Variants in UNC79 observed in about 807,000 individuals in gnomAD.
UNC79 encodes the protein unc-79 subunit of NALCN channel complex, also known as protein unc-79 homolog.
UNC79 carries 37 observed loss-of-function variants against 283.1 expected under a neutral mutation model. The observed-to-expected ratio is 0.13, with a 90% CI of 0.10 to 0.17. UNC79 has a LOEUF of 0.17. UNC79 is among the 10% of genes least tolerant of loss of function. UNC79 has a pLI of 1.00. For missense variants in UNC79, 2,272 were observed against 3,211.1 expected (o/e 0.71, Z 7.07); for synonymous variants, 1,107 against 1,200.2 (o/e 0.92, Z 1.61).
At position 93,646,659 on chromosome 14, in the gene UNC79, C is replaced by T. The variant is rs941885961; in HGVS notation, c.6083+13C>T. 2.7e-5 allele frequency: 44 copies of T among 1,613,410 alleles called. No individual in the cohort carries two copies. The highest frequency in any genetic ancestry group is 3.2e-5 in the Non-Finnish European group (38 of 1,179,634). On this transcript the variant is annotated intron_variant, in intron 35 of 48. Coordinates refer to ENST00000555664, the Ensembl canonical transcript of UNC79. Reference sequence around the variant, plus strand: ...ATCAAGCAGAAAGGTAAGGTCCTAACGGGAGCCCAGATCTCACTTTCTTTT... The same window carrying T: ...ATCAAGCAGAAAGGTAAGGTCCTAATGGGAGCCCAGATCTCACTTTCTTTT...
chr14:93,704,793 G>A, intron 48 of UNC79, 127 bp downstream of exon 51: 1 of 1,215,248 alleles, frequency 8.2e-7, no homozygotes, highest in Admixed American at 1.8e-5. Flanking sequence ...GCCTTAGAGG[G>A]CTGATAATGC....
chr14:93,569,526 G>A (rs1385451555), intron 14 of UNC79, among the ~76,000 whole-genome samples: 1 of 152,206 alleles, frequency 6.6e-6, no homozygotes, highest in Non-Finnish European at 1.5e-5. Flanking sequence ...TCTGAAAAGG[G>A]GAGAGGAATT....
chr14:93,604,874 A>G, intron 26 of UNC79, 22 bp from the exon 27 acceptor site: 1 of 1,557,740 alleles, frequency 6.4e-7, no homozygotes, highest in East Asian at 2.3e-5. Context: ...TTATTTAAAT[A>G]GAGTTGTTGT....
intron 47 of UNC79, among the ~76,000 whole-genome samples, chr14:93,700,442 G>A (rs933400143): frequency 2.4e-4 from 37 of 151,960 alleles, no homozygotes; most frequent in African/African-American, 8.2e-4. Context: ...CTGTTTTAAT[G>A]TCCTTGTCTG....
At chr14:93,558,946 T>C (rs2062375562) in intron 14 of UNC79, among the ~76,000 whole-genome samples, 1 of 151,994 alleles carries the variant, frequency 6.6e-6, no homozygotes, top group African/African-American at 2.4e-5. Context: ...AAAGGAAAAA[T>C]GGATCAGGAT....
At chr14:93,689,087 A>G (rs117195101) in intron 44 of UNC79, 65 of 464,612 alleles carry the variant, frequency 1.4e-4, no homozygotes, top group Non-Finnish European at 2.3e-4. Context: ...TGAAGAATGA[A>G]AATTTTGAGC....
chr14:93,549,492 T>C (rs573670002), intron 14 of UNC79, among the ~76,000 whole-genome samples: 1 of 152,354 alleles, frequency 6.6e-6, no homozygotes, highest in African/African-American at 2.4e-5. Context: ...TGAAATCACG[T>C]ACACCTGAAA....
At chr14:93,420,006 G>T (rs1430069288) in intron 1 of UNC79, among the ~76,000 whole-genome samples, 2 of 151,358 alleles carry the variant, frequency 1.3e-5, no homozygotes, top group African/African-American at 2.4e-5. Flanking sequence ...TACCACCAGA[G>T]AAAATTATCT....
intron 1 of UNC79, 44 bp from the exon 2 acceptor site, chr14:93,467,627 C>CTTTTTTTTTTT (rs2057260890): frequency 2.4e-6 from 2 of 828,952 alleles, no homozygotes; most frequent in African/African-American, 5.2e-5. Flanking sequence ...TTTTCTTCTT[C>CTTTTTTTTTTT]CTTTTTTTTT....
intron 1 of UNC79, among the ~76,000 whole-genome samples, chr14:93,342,092 C>G (rs2053726272): frequency 6.6e-6 from 1 of 152,216 alleles, no homozygotes; most frequent in Non-Finnish European, 1.5e-5. Context: ...AGTAGAGACT[C>G]TGTGTGGGGG....
chr14:93,624,065 G>A (rs1182179633), intron 30 of UNC79, among the ~76,000 whole-genome samples: 2 of 152,158 alleles, frequency 1.3e-5, no homozygotes, highest in Non-Finnish European at 2.9e-5. Flanking sequence ...CTTAGAGGAG[G>A]GGATGCACCA....
At chr14:93,641,931 T>C (rs890707209) in intron 33 of UNC79, among the ~76,000 whole-genome samples, 2 of 151,776 alleles carry the variant, frequency 1.3e-5, no homozygotes, top group Non-Finnish European at 2.9e-5. Flanking sequence ...TGAATGGGAG[T>C]TCCCCTGCAC....
chr14:93,607,708 T>C (rs1419545107), intron 26 of UNC79, among the ~76,000 whole-genome samples: 2 of 152,230 alleles, frequency 1.3e-5, no homozygotes, highest in African/African-American at 2.4e-5. Context: ...CTCCAAGTTC[T>C]GCCTCAGCCT....
chr14:93,597,417 C>A, exon 24 of UNC79: 1 of 1,614,202 alleles, frequency 6.2e-7, no homozygotes, highest in South Asian at 1.1e-5. Flanking sequence ...CCAAAAACCA[C>A]CTGCTGAAGT....
chr14:93,606,360 C>T (rs2065889147), intron 26 of UNC79, among the ~76,000 whole-genome samples: 2 of 152,092 alleles, frequency 1.3e-5, no homozygotes, highest in South Asian at 4.1e-4. Flanking sequence ...TACATGACAC[C>T]ATCATAAGCA....
intron 40 of UNC79, among the ~76,000 whole-genome samples, chr14:93,666,868 G>C (rs1460752246): frequency 1.3e-5 from 2 of 152,146 alleles, no homozygotes; most frequent in African/African-American, 4.8e-5. Context: ...AAGCAGTAAA[G>C]ATAATAGCAG....
intron 26 of UNC79, among the ~76,000 whole-genome samples, chr14:93,603,686 C>A (rs1824415705): frequency 1.3e-5 from 2 of 152,166 alleles, no homozygotes; most frequent in African/African-American, 2.4e-5. Flanking sequence ...GCTTGGCATG[C>A]AACTTAGAAG....
intron 1 of UNC79, among the ~76,000 whole-genome samples, chr14:93,382,009 A>G (rs1242147757): frequency 6.6e-6 from 1 of 152,212 alleles, no homozygotes; most frequent in African/African-American, 2.4e-5. Context: ...GCCTTTCTGG[A>G]GGAAAGGAGA....
chr14:93,486,656 G>GA (rs374088349), intron 4 of UNC79, among the ~76,000 whole-genome samples: 19,912 of 78,458 alleles, frequency 0.25, 2,917 homozygotes, highest in African/African-American at 0.45. Context: ...CTCTGTCTAA[G>GA]GAAAAAAAAA....
Sources: gnomAD v4.1 joint callset for allele counts (sites outside exome capture counted in the v4.1 genomes callset) on GRCh38, gnomAD v4.1.1 for gene constraint, MANE v1.5 for transcripts, NCBI Gene and HGNC (gene_info 2026-07-23, HGNC 2026-07-21) for gene names.